The following EYS variants were observed in gnomAD, a reference collection of about 807,000 sequenced individuals.
EYS encodes EGF-like photoreceptor maintenance factor.
EYS carries 250 observed loss-of-function variants against 282.1 expected under a neutral mutation model. The observed-to-expected ratio is 0.89, with a 90% confidence interval of 0.80 to 0.98. The LOEUF is 0.98. EYS is among the 50% of genes least tolerant of loss of function. The pLI is 0.00. For missense variants in EYS, 4,016 were observed against 3,709.0 expected, an observed-to-expected ratio of 1.08 and a Z score of -2.15; for synonymous variants, 1,355 against 1,282.9, an observed-to-expected ratio of 1.06 and a Z score of -1.20.
intron 12 of EYS, among the ~76,000 whole-genome samples, chr6:65,278,719 C>A (rs1768133354): frequency 1.3e-5 from 2 of 152,026 alleles, no homozygotes; most frequent in South Asian, 2.1e-4. Flanking sequence ...CTAGTCAATT[C>A]ATAATTGTTT....
intron 12 of EYS, among the ~76,000 whole-genome samples, chr6:65,271,295 T>G (rs568647353): frequency 6.6e-6 from 1 of 151,350 alleles, no homozygotes; most frequent in South Asian, 2.1e-4. Flanking sequence ...ATGGTTCCAG[T>G]CTGGGTATGA....
intron 13 of EYS, among the ~76,000 whole-genome samples, chr6:65,029,919 C>T (rs1283553156): frequency 6.6e-6 from 1 of 152,008 alleles, no homozygotes; most frequent in African/African-American, 2.4e-5. Flanking sequence ...AGGGGTGAGA[C>T]AAATAAGCGA....
At chr6:64,826,063 T>C (rs548386854) in intron 19 of EYS, among the ~76,000 whole-genome samples, 2 of 151,940 alleles carry the variant, frequency 1.3e-5, no homozygotes, top group South Asian at 2.1e-4. Context: ...TCAGTCTCAG[T>C]TTTTTGCCTA....
rs148528741 is a variant in EYS at position 64,167,648 on chromosome 6, A to G, written c.6424+62944T>C. 4.5e-3 allele frequency among the ~76,000 whole-genome samples: 685 copies of G among 152,284 alleles called. 2 individuals are homozygous for G. Among genetic ancestry groups the G allele is most frequent in the Middle Eastern group, 0.024 (7 of 294 alleles). ...CCAAAGGGCATACGTACATACAGAC[A>G]CACACACCCATATATATGCACATAT... On this transcript the variant is annotated intron_variant, in intron 31 of 42. Transcript: ENST00000503581.
At chr6:64,050,958 T>C (rs1770789831) in intron 33 of EYS, among the ~76,000 whole-genome samples, 1 of 152,176 alleles carries the variant, frequency 6.6e-6, no homozygotes, top group African/African-American at 2.4e-5. Flanking sequence ...TTGAGCATAT[T>C]ATAATCTCAC....
chr6:64,000,762 T>G (rs1768059243), intron 33 of EYS, among the ~76,000 whole-genome samples: 2 of 152,256 alleles, frequency 1.3e-5, no homozygotes, highest in South Asian at 4.2e-4. Context: ...GAATCTGATA[T>G]GATCCTTCCA....
intron 19 of EYS, among the ~76,000 whole-genome samples, chr6:64,867,585 A>C (rs1192697827): frequency 2.0e-5 from 3 of 151,648 alleles, no homozygotes; most frequent in African/African-American, 7.2e-5. Flanking sequence ...TTCTCTATAG[A>C]TGCTTATCTT....
rs972069977 is a variant in EYS at position 65,512,297 on chromosome 6, C to G, written c.-332-16304G>C. ...CACGAGGTCAGGAGATCGAGACCAT[C>G]CTAATTAACACGGTGAAACCCCATT... On this transcript the variant is annotated intron_variant, in intron 2 of 42. Coordinates refer to ENST00000503581, the MANE Select transcript of EYS (RefSeq NM_001142800.2). 1.7e-3 allele frequency among the ~76,000 whole-genome samples: 263 copies of G among 151,952 alleles called. 3 individuals are homozygous for G. Among genetic ancestry groups the G allele is most frequent in the Admixed American group, 7.1e-3 (109 of 15,248 alleles).
At chr6:64,305,198 T>G (rs1769393442) in intron 30 of EYS, among the ~76,000 whole-genome samples, 1 of 152,204 alleles carries the variant, frequency 6.6e-6, no homozygotes, top group Non-Finnish European at 1.5e-5. Context: ...TACTTTTGGT[T>G]GACTTAACCA....
chr6:64,510,953 AC>A (rs1777372183), intron 26 of EYS, among the ~76,000 whole-genome samples: 1 of 151,902 alleles, frequency 6.6e-6, no homozygotes, highest in Non-Finnish European at 1.5e-5. Context: ...AGAGATCCAG[AC>A]CCCATCCTTC....
rs77161771 is a variant in EYS, at chr6:63,812,063, T to C, written c.7229-5691A>G. On this transcript the variant is annotated intron_variant, in intron 36 of 42. Coordinates refer to ENST00000503581, the MANE Select transcript of EYS (RefSeq NM_001142800.2). ...TCTCTTTTCCGTATTGTAGCCAAAG[T>C]GGTCTTTTAAATATAAATTGAGTGT... Among the ~76,000 whole-genome samples, 656 of 152,340 alleles carry C rather than the reference T, an allele frequency of 4.3e-3. 1 individual carries two copies. The highest frequency in any genetic ancestry group is 7.4e-3 in the Non-Finnish European group (501 of 68,042).
intron 29 of EYS, among the ~76,000 whole-genome samples, chr6:64,374,515 C>T (rs149656294): frequency 4.1e-4 from 62 of 152,242 alleles, no homozygotes; most frequent in African/African-American, 1.4e-3. Flanking sequence ...ACTTATTCAC[C>T]CTTTCCCATG....
At chr6:64,146,269 G>A (rs549376427) in intron 31 of EYS, among the ~76,000 whole-genome samples, 1 of 152,244 alleles carries the variant, frequency 6.6e-6, no homozygotes, top group African/African-American at 2.4e-5. Context: ...CTGGTATTAT[G>A]ATGAGGAATT....
chr6:63,820,858 A>T (rs1771304190), intron 36 of EYS, among the ~76,000 whole-genome samples: 1 of 152,122 alleles, frequency 6.6e-6, no homozygotes, highest in African/African-American at 2.4e-5. Context: ...ATATGTTCTG[A>T]TACCTAGCAA....
chr6:64,184,935 C>T (rs745846850), intron 31 of EYS, among the ~76,000 whole-genome samples: 12 of 151,990 alleles, frequency 7.9e-5, no homozygotes, highest in South Asian at 2.1e-4. Context: ...AAAATCTAAT[C>T]ATCAGCACAA....
intron 26 of EYS, among the ~76,000 whole-genome samples, chr6:64,562,424 G>T (rs2149812534): frequency 6.6e-6 from 1 of 151,888 alleles, no homozygotes; most frequent in East Asian, 1.9e-4. Context: ...TGAGTCTACA[G>T]ATTATAGAAC....
chr6:64,382,584 T>A (rs1772783494), intron 29 of EYS, among the ~76,000 whole-genome samples: 1 of 152,178 alleles, frequency 6.6e-6, no homozygotes, highest in South Asian at 2.1e-4. Context: ...TTAGATTAAA[T>A]AATTAGGATG....
At chr6:64,417,593 T>C (rs1055160788) in intron 28 of EYS, among the ~76,000 whole-genome samples, 1 of 152,128 alleles carries the variant, frequency 6.6e-6, no homozygotes, top group African/African-American at 2.4e-5. Flanking sequence ...ATACTAGTTA[T>C]TATTTCAGGA....
At chr6:64,968,755 A>T (rs1473645085) in intron 14 of EYS, among the ~76,000 whole-genome samples, 1 of 152,158 alleles carries the variant, frequency 6.6e-6, no homozygotes, top group East Asian at 1.9e-4. Flanking sequence ...ATCTGTCTTC[A>T]TAGCTGAGGC....
Sources: gnomAD v4.1 joint callset for allele counts (sites outside exome capture counted in the v4.1 genomes callset) on GRCh38, gnomAD v4.1.1 for gene constraint, MANE v1.5 for transcripts, NCBI Gene and HGNC (gene_info 2026-07-23, HGNC 2026-07-21) for gene names.